GPHN: variants seen among roughly 807,000 people sequenced by gnomAD.
GPHN encodes the protein gephyrin.
In GPHN, 17 loss-of-function variants were observed where a neutral mutation model predicts 95.5. The observed-to-expected ratio is 0.18, with a 90% CI of 0.12 to 0.27. The LOEUF is 0.27. Ranked by LOEUF, GPHN falls within the 10% of genes least tolerant of loss-of-function variation. The pLI is 1.00. For missense variants in GPHN, 660 were observed against 978.1 expected (o/e 0.67, Z 4.34); for synonymous variants, 320 against 322.5 (o/e 0.99, Z 0.08).
At chr14:66,770,965 C>T (rs1006856933) in intron 2 of GPHN, among the ~76,000 whole-genome samples, 5 of 151,908 alleles carry the variant, frequency 3.3e-5, no homozygotes, top group East Asian at 1.9e-4. Flanking sequence ...GAACATATCC[C>T]GTATAGATAA....
At chr14:66,696,998 G>A (rs1324662282) in intron 2 of GPHN, among the ~76,000 whole-genome samples, 1 of 152,040 alleles carries the variant, frequency 6.6e-6, no homozygotes, top group Non-Finnish European at 1.5e-5. Flanking sequence ...ATTTATTTTT[G>A]TCAATTTTGT....
At chr14:67,489,137 A>T in the GPHN span, among the ~76,000 whole-genome samples, 389 of 152,282 alleles carry the variant, frequency 2.6e-3, 2 homozygotes, top group African/African-American at 8.9e-3. Context: ...TGGAACTTAG[A>T]TCATCTCTCA....
At chr14:67,127,215 G>A (rs2079379857) in intron 17 of GPHN, among the ~76,000 whole-genome samples, 2 of 151,082 alleles carry the variant, frequency 1.3e-5, no homozygotes, top group South Asian at 4.2e-4. Context: ...TAACTAACCT[G>A]CACAATGTGC....
chr14:67,301,987 C>A, the GPHN span: 1 of 1,592,198 alleles, frequency 6.3e-7, no homozygotes, highest in Admixed American at 1.8e-5. Context: ...TTTACTGGCC[C>A]ACGATAAGGT....
intron 20 of GPHN, among the ~76,000 whole-genome samples, chr14:67,166,733 G>A (rs370630408): frequency 1.6e-4 from 24 of 152,252 alleles, no homozygotes; most frequent in African/African-American, 4.8e-4. Context: ...GCAGCAGCGC[G>A]ATCTCAGCTC....
intron 16 of GPHN, among the ~76,000 whole-genome samples, chr14:67,119,270 G>A (rs2078874613): frequency 6.6e-6 from 1 of 152,154 alleles, no homozygotes; most frequent in Admixed American, 6.5e-5. Context: ...GTATAGTTTT[G>A]CAAGTTGATG....
At chr14:67,311,873 T>C in the GPHN span, 1 of 152,466 alleles carries the variant, frequency 6.6e-6, no homozygotes, top group African/African-American at 2.4e-5. Context: ...TCGTTGATAG[T>C]GTGCTTGTTT....
At chr14:66,603,275 C>G (rs900592130) in intron 1 of GPHN, among the ~76,000 whole-genome samples, 1 of 151,776 alleles carries the variant, frequency 6.6e-6, no homozygotes, top group Non-Finnish European at 1.5e-5. Flanking sequence ...ATCCCTCTAT[C>G]CAGAAATAGT....
chr14:66,708,956 A>G (rs1170836785), intron 2 of GPHN, among the ~76,000 whole-genome samples: 4 of 152,180 alleles, frequency 2.6e-5, no homozygotes, highest in Non-Finnish European at 4.4e-5. Flanking sequence ...AGTCTATTAT[A>G]CATAAGTATT....
chr14:67,345,737 A>G, the GPHN span: 2 of 1,474,776 alleles, frequency 1.4e-6, no homozygotes, highest in Non-Finnish European at 1.9e-6. Flanking sequence ...AAATCAAACT[A>G]CAGGAGTTCT....
the GPHN span, chr14:67,725,402 G>C: frequency 1.2e-6 from 1 of 830,646 alleles, no homozygotes. Context: ...CAGGGAATTG[G>C]CAAGAGGATG....
the GPHN span, among the ~76,000 whole-genome samples, chr14:67,563,903 GTTTT>G: frequency 7.4e-6 from 1 of 135,434 alleles, no homozygotes; most frequent in Non-Finnish European, 1.6e-5. Context: ...CCGGCTAACT[GTTTT>G]TTTTTTTTTT....
At chr14:66,994,458 C>T (rs752053211) in intron 9 of GPHN, among the ~76,000 whole-genome samples, 17 of 152,012 alleles carry the variant, frequency 1.1e-4, no homozygotes, top group Non-Finnish European at 5.9e-5. Flanking sequence ...CTGCAGTGGC[C>T]TAAGACATTA....
chr14:67,661,350 C>G, the GPHN span, among the ~76,000 whole-genome samples: 1 of 134,444 alleles, frequency 7.4e-6, no homozygotes, highest in Non-Finnish European at 1.6e-5. Flanking sequence ...AGTTGTTAAA[C>G]TGTTCAGTAA....
chr14:66,702,579 CAATT>C (rs1285117212), intron 2 of GPHN, among the ~76,000 whole-genome samples: 2 of 152,042 alleles, frequency 1.3e-5, no homozygotes, highest in African/African-American at 2.4e-5. Context: ...CATTGAAAAA[CAATT>C]AAAGAGAAAA....
chr14:67,636,082 G>T, the GPHN span, among the ~76,000 whole-genome samples: 1 of 151,948 alleles, frequency 6.6e-6, no homozygotes, highest in African/African-American at 2.4e-5. Context: ...TGGAAAAACT[G>T]CACACTAAGA....
At chr14:67,480,469 G>T in the GPHN span, among the ~76,000 whole-genome samples, 1 of 152,158 alleles carries the variant, frequency 6.6e-6, no homozygotes, top group Non-Finnish European at 1.5e-5. Flanking sequence ...GGGCAGACTT[G>T]AAAAGATGGT....
chr14:67,641,834 G>A, the GPHN span, among the ~76,000 whole-genome samples: 1 of 152,090 alleles, frequency 6.6e-6, no homozygotes, highest in Non-Finnish European at 1.5e-5. Flanking sequence ...TAAATTAATA[G>A]TACTTAATTT....
At chr14:67,036,157 A>G (rs1594889053) in intron 10 of GPHN, among the ~76,000 whole-genome samples, 1 of 152,028 alleles carries the variant, frequency 6.6e-6, no homozygotes, top group African/African-American at 2.4e-5. Flanking sequence ...CAGAAAATGC[A>G]TTTTAGAAAA....
Sources: gnomAD v4.1 joint callset for allele counts (sites outside exome capture counted in the v4.1 genomes callset) on GRCh38, gnomAD v4.1.1 for gene constraint, MANE v1.5 for transcripts, NCBI Gene and HGNC (gene_info 2026-07-23, HGNC 2026-07-21) for gene names.